MB21D2: variants seen among roughly 807,000 people sequenced by gnomAD.
MB21D2 encodes nucleotidyltransferase MB21D2.
Under a neutral mutation model 33.3 loss-of-function variants are expected in MB21D2, and 9 were observed. The observed-to-expected ratio is 0.27, with a 90% CI of 0.16 to 0.47. The LOEUF is 0.47. Among genes scored for constraint, MB21D2 ranks in the 20% least tolerant of loss-of-function variants. The pLI, the probability that MB21D2 is intolerant of heterozygous loss-of-function variation, is 0.99. For synonymous variants in MB21D2, 241 were observed against 236.3 expected, an observed-to-expected ratio of 1.02 and a Z score of -0.18; for missense variants, 540 against 624.6, an observed-to-expected ratio of 0.86 and a Z score of 1.44.
At chr3:192,816,752 G>A (rs1393061855) in intron 1 of MB21D2, among the ~76,000 whole-genome samples, 2 of 152,092 alleles carry the variant, frequency 1.3e-5, no homozygotes, top group South Asian at 2.1e-4. Flanking sequence ...TGTGGATGCC[G>A]TGATAGAAAG....
At chr3:192,828,878 T>C (rs919243745) in intron 1 of MB21D2, among the ~76,000 whole-genome samples, 4 of 151,440 alleles carry the variant, frequency 2.6e-5, no homozygotes, top group Admixed American at 1.3e-4. Flanking sequence ...CTCAATCTCC[T>C]GACCTCGTGA....
chr3:192,869,327 A>G (rs1713239848), intron 1 of MB21D2, among the ~76,000 whole-genome samples: 1 of 144,974 alleles, frequency 6.9e-6, no homozygotes, highest in Non-Finnish European at 1.5e-5. Flanking sequence ...GGAGGGAAAA[A>G]GGGAAGGAGG....
intron 1 of MB21D2, among the ~76,000 whole-genome samples, chr3:192,824,523 AT>A (rs1560231559): frequency 1.3e-5 from 2 of 151,662 alleles, no homozygotes; most frequent in African/African-American, 4.8e-5. Context: ...AAATAAATAA[AT>A]AAATAAAGTT....
rs528784827 is a variant in MB21D2 at position 192,913,852 on chromosome 3, C to A, written c.211+3778G>T. On this transcript the variant is annotated intron_variant, in intron 1 of 1. Coordinates refer to ENST00000392452, the MANE Select transcript of MB21D2 (RefSeq NM_178496.4). ...GTCTCAAAAAAAGAGAGAGAAAATA[C>A]TAAGACCACAAAGCCAACAAGAGGC... Among the ~76,000 whole-genome samples the A allele has an allele frequency of 5.3e-5, 8 of 152,096 alleles. No homozygotes were observed. In the East Asian group the frequency reaches 1.4e-3, roughly 26 times the overall value.
rs145714376 is a variant in MB21D2 at position 192,900,986 on chromosome 3, T to C, written c.211+16644A>G. Among the ~76,000 whole-genome samples, 832 of 151,302 alleles carry C rather than the reference T, an allele frequency of 5.5e-3. 4 individuals carry two copies. The highest frequency in any genetic ancestry group is 0.019 in the African/African-American group (790 of 41,236). ...GCACAAAGGTCTCCAAGGCCTCTGT[T>C]GAAGAAACTGATGAAGGATGGATGT... On this transcript the variant is annotated intron_variant, in intron 1 of 1. Coordinates refer to ENST00000392452, the MANE Select transcript of MB21D2 (RefSeq NM_178496.4).
chr3:192,846,238 T>C (rs547503540), intron 1 of MB21D2, among the ~76,000 whole-genome samples: 2 of 152,266 alleles, frequency 1.3e-5, no homozygotes, highest in East Asian at 3.9e-4. Context: ...ATCTTATTAA[T>C]CCATATAAGC....
intron 1 of MB21D2, among the ~76,000 whole-genome samples, chr3:192,838,630 G>A (rs1348803687): frequency 5.9e-5 from 9 of 151,862 alleles, no homozygotes; most frequent in South Asian, 2.1e-4. Flanking sequence ...GGGTTTCACC[G>A]TGCCAGCCAG....
At chr3:192,873,925 C>T (rs115346441) in intron 1 of MB21D2, among the ~76,000 whole-genome samples, 4 of 152,286 alleles carry the variant, frequency 2.6e-5, no homozygotes, top group South Asian at 4.2e-4. Flanking sequence ...GTCTCGAACT[C>T]CTGACCTCAG....
At chr3:192,875,085 G>A (rs375920952) in intron 1 of MB21D2, among the ~76,000 whole-genome samples, 8 of 151,554 alleles carry the variant, frequency 5.3e-5, no homozygotes, top group East Asian at 1.9e-4. Context: ...CTGAGACCCC[G>A]ACTGATACAG....
intron 1 of MB21D2, among the ~76,000 whole-genome samples, chr3:192,877,580 CTG>C (rs1412217947): frequency 6.6e-6 from 1 of 152,224 alleles, no homozygotes; most frequent in Non-Finnish European, 1.5e-5. Context: ...AGTCATCTCA[CTG>C]TCCTCCCACA....
At chr3:192,904,502 A>G (rs1473335687) in intron 1 of MB21D2, among the ~76,000 whole-genome samples, 2 of 152,260 alleles carry the variant, frequency 1.3e-5, no homozygotes, top group African/African-American at 4.8e-5. Context: ...CTATCAGCCC[A>G]GACCCTCGGC....
intron 1 of MB21D2, among the ~76,000 whole-genome samples, chr3:192,908,811 G>A (rs1418947262): frequency 6.6e-6 from 1 of 152,150 alleles, no homozygotes; most frequent in East Asian, 1.9e-4. Flanking sequence ...TAAGGTGTCA[G>A]AAGGTCATCT....
intron 1 of MB21D2, among the ~76,000 whole-genome samples, chr3:192,835,503 C>T (rs945670616): frequency 2.1e-5 from 3 of 145,654 alleles, no homozygotes; most frequent in Non-Finnish European, 4.5e-5. Flanking sequence ...AGCACATTTG[C>T]AAATTTTATT....
At position 192,799,964 on chromosome 3, in the gene MB21D2, T is replaced by G. The variant is rs1560224189; in HGVS notation, c.212-314A>C. Among the ~76,000 whole-genome samples, 1 of 152,210 alleles carries G rather than the reference T, an allele frequency of 6.6e-6. No individual in the cohort carries two copies. The highest frequency in any genetic ancestry group is 1.5e-5 in the Non-Finnish European group (1 of 68,028). On this transcript the variant is annotated intron_variant, in intron 1 of 1. Coordinates refer to ENST00000392452, the MANE Select transcript of MB21D2 (RefSeq NM_178496.4). The surrounding 1 kb of genome is among the most constrained non-coding windows in gnomAD (Gnocchi z 4.1). ...AATGGAATTGCCATCCACTCAGTTA[T>G]GCAGACTGAAAACCTCAGTACATTT...
At chr3:192,909,101 A>G (rs1317252688) in intron 1 of MB21D2, among the ~76,000 whole-genome samples, 1 of 151,624 alleles carries the variant, frequency 6.6e-6, no homozygotes, top group Non-Finnish European at 1.5e-5. Flanking sequence ...TAAAAATACA[A>G]AAAAATTAGC....
At chr3:192,813,676 T>A (rs1340694051) in intron 1 of MB21D2, among the ~76,000 whole-genome samples, 2 of 152,170 alleles carry the variant, frequency 1.3e-5, no homozygotes, top group Non-Finnish European at 1.5e-5. Flanking sequence ...CTAGTCAAGA[T>A]GAGTATACAA....
chr3:192,820,614 C>G (rs1220828652), intron 1 of MB21D2, among the ~76,000 whole-genome samples: 1 of 152,264 alleles, frequency 6.6e-6, no homozygotes, highest in Non-Finnish European at 1.5e-5. Flanking sequence ...AGCGGCCACT[C>G]AGACTGTGTC....
At chr3:192,863,592 G>T (rs1180110350) in intron 1 of MB21D2, among the ~76,000 whole-genome samples, 1 of 152,110 alleles carries the variant, frequency 6.6e-6, no homozygotes, top group African/African-American at 2.4e-5. Context: ...AGACAAGGAC[G>T]AAGAAGACAT....
At chr3:192,836,790 T>G (rs1305003420) in intron 1 of MB21D2, among the ~76,000 whole-genome samples, 3 of 152,208 alleles carry the variant, frequency 2.0e-5, no homozygotes, top group African/African-American at 7.2e-5. Context: ...CATGGATCAA[T>G]CATCCTGCCT....
Sources: allele counts gnomAD v4.1 joint callset (sites outside exome capture counted in the v4.1 genomes callset), GRCh38; gene constraint gnomAD v4.1.1; non-coding constraint Gnocchi (gnomAD v3.1); transcripts MANE v1.5; gene names NCBI Gene and HGNC (gene_info 2026-07-23, HGNC 2026-07-21).